Variants in PICALM observed in about 807,000 individuals in gnomAD.
The protein encoded by PICALM is phosphatidylinositol binding clathrin assembly protein, also known as phosphatidylinositol-binding clathrin assembly protein.
A neutral mutation model predicts 80.5 loss-of-function variants in PICALM; 40 were observed. The ratio of observed to expected loss-of-function variants is 0.50; its 90% CI spans 0.39 to 0.65. The LOEUF (loss-of-function observed/expected upper bound fraction) is 0.65. Ranked by LOEUF, PICALM falls within the 30% of genes least tolerant of loss-of-function variation. PICALM has a pLI of 0.00. For synonymous variants in PICALM, 288 were observed against 260.3 expected, an observed-to-expected ratio of 1.11 and a Z score of -1.02; for missense variants, 676 against 778.9, an observed-to-expected ratio of 0.87 and a Z score of 1.57.
Position 85,981,925 on chromosome 11 carries a change from G to C in PICALM, c.1595C>G (p.Pro532Arg). Reference protein sequence around the residue: ...NQNLPVAKLPPSKLVSDDLDS... With the variant: ...NQNLPVAKLPRSKLVSDDLDS... ...CAAGTCATCAGATACTAACTTGCTA[G>C]GTGGGAGTTTGGCAACAGGAAGGTT... Residue 532 changes from proline (P) to arginine (R), a missense_variant, in exon 15 of 20, where the codon CCT (proline) becomes CGT (arginine). This residue lies in a region of PICALM where 391 missense variants were observed against 383.6 expected (regional missense o/e 1.02). Transcript: ENST00000393346. 2 of 1,613,550 alleles carry C rather than the reference G, an allele frequency of 1.2e-6. No individual in the cohort carries two copies. The highest frequency in any genetic ancestry group is 1.7e-6 in the Non-Finnish European group (2 of 1,179,424).
intron 1 of PICALM, among the ~76,000 whole-genome samples, chr11:86,064,035 TTAAC>T (rs2096408569): frequency 6.6e-6 from 1 of 152,230 alleles, no homozygotes; most frequent in Admixed American, 6.5e-5. Context: ...TAAGATATTA[TTAAC>T]TGAGACATTA....
chr11:85,973,866 T>C (rs1268582702), intron 19 of PICALM, among the ~76,000 whole-genome samples: 1 of 149,746 alleles, frequency 6.7e-6, no homozygotes. Context: ...AAAGGAGGGG[T>C]GTTCTAACAA....
intron 13 of PICALM, among the ~76,000 whole-genome samples, chr11:85,987,795 C>A (rs2094623897): frequency 6.6e-6 from 1 of 152,180 alleles, no homozygotes. Context: ...TAGTAGTAGT[C>A]ATTTTGATAC....
chr11:86,031,272 G>A (rs2095747073), intron 2 of PICALM, among the ~76,000 whole-genome samples, 197 bp downstream of exon 2: 1 of 152,184 alleles, frequency 6.6e-6, no homozygotes, highest in Non-Finnish European at 1.5e-5. Context: ...CATTATTGAT[G>A]TCCTCTGTGC....
At chr11:85,988,541 G>A (rs2094652275) in intron 13 of PICALM, among the ~76,000 whole-genome samples, 1 of 152,002 alleles carries the variant, frequency 6.6e-6, no homozygotes, top group Non-Finnish European at 1.5e-5. Flanking sequence ...ACAAACTTAA[G>A]TGACACAAAA....
At chr11:85,976,092 C>A (rs755455811) in intron 18 of PICALM, among the ~76,000 whole-genome samples, 2 of 151,466 alleles carry the variant, frequency 1.3e-5, no homozygotes, top group Non-Finnish European at 3.0e-5. Flanking sequence ...CTACTAGCAC[C>A]ATTTCTTTTC....
At chr11:86,057,125 C>T (rs1161120796) in intron 1 of PICALM, among the ~76,000 whole-genome samples, 1 of 152,084 alleles carries the variant, frequency 6.6e-6, no homozygotes, top group African/African-American at 2.4e-5. Flanking sequence ...TACTAAATAA[C>T]ACTGAATTCT....
At chr11:85,987,817 T>C (rs778894159) in intron 13 of PICALM, among the ~76,000 whole-genome samples, 1 of 152,216 alleles carries the variant, frequency 6.6e-6, no homozygotes, top group African/African-American at 2.4e-5. Flanking sequence ...TTTATATACC[T>C]AGCAAAGTGC....
intron 1 of PICALM, among the ~76,000 whole-genome samples, chr11:86,041,877 G>T (rs1367857159): frequency 6.6e-6 from 1 of 152,102 alleles, no homozygotes; most frequent in Non-Finnish European, 1.5e-5. Context: ...TCATGAAAAT[G>T]CTCTATAGAA....
In PICALM at chr11:86,068,876, C is replaced by A. The variant is rs1188532968; in HGVS notation, c.-96G>T. ...TCCCCACCCCCCACCGCACCCCCTA[C>A]CCCCACCGGCTCCTTCCCCGCCTGC... is the stretch of plus-strand genomic sequence containing the variant. On this transcript the variant is annotated 5_prime_UTR_variant, in exon 1 of 20. Coordinates refer to ENST00000393346, the MANE Select transcript of PICALM (RefSeq NM_007166.4). 8 of 1,422,148 alleles carry A rather than the reference C, an allele frequency of 5.6e-6. No homozygotes were observed. The highest frequency in any genetic ancestry group is 1.4e-5 in the African/African-American group (1 of 69,322). The allele number at this position is 1,422,148 out of a possible 1,614,324, so 88.1% of individuals were successfully genotyped here. A position where few individuals can be genotyped will look rare whatever the true frequency, so the allele number is the denominator to read the frequency against.
Position 85,981,159 on chromosome 11 carries a change from T to A in PICALM, c.1749A>T (p.Ala583=). The change falls in exon 17 of 20, where the codon GCA becomes GCT. Residue 583 remains alanine (A), a synonymous_variant. Coordinates refer to ENST00000393346, the MANE Select transcript of PICALM (RefSeq NM_007166.4). ...TGGSNWQPKV[A]PTTAWNAATM... Reference sequence around the variant, plus strand: ...TTGCAGCATTCCAAGCGGTTGTTGGTGCAACCTTTGGTTGCCAGTTAGATC... The same window carrying A: ...TTGCAGCATTCCAAGCGGTTGTTGGAGCAACCTTTGGTTGCCAGTTAGATC... 6.2e-7 allele frequency: 1 copy of A among 1,603,768 alleles called. No individual in the cohort carries two copies. The highest frequency in any genetic ancestry group is 2.2e-5 in the East Asian group (1 of 44,828).
At chr11:86,067,468 G>C (rs535068081) in intron 1 of PICALM, among the ~76,000 whole-genome samples, 16 of 152,290 alleles carry the variant, frequency 1.1e-4, no homozygotes, top group Admixed American at 1.0e-3. Flanking sequence ...CAAAGAAAAA[G>C]GAGGGTATTA....
intron 1 of PICALM, among the ~76,000 whole-genome samples, chr11:86,059,024 T>C (rs975671012): frequency 6.6e-6 from 1 of 152,202 alleles, no homozygotes; most frequent in Non-Finnish European, 1.5e-5. Flanking sequence ...TAAACAAAAC[T>C]AAATAAGCCT....
intron 1 of PICALM, among the ~76,000 whole-genome samples, chr11:86,044,831 C>G (rs1318028583): frequency 6.6e-6 from 1 of 152,194 alleles, no homozygotes; most frequent in African/African-American, 2.4e-5. Flanking sequence ...CTGTGCACTC[C>G]TTATGAGAAT....
chr11:86,010,398 C>T (rs781437840), intron 7 of PICALM, among the ~76,000 whole-genome samples: 24 of 151,322 alleles, frequency 1.6e-4, no homozygotes, highest in Non-Finnish European at 2.8e-4. Flanking sequence ...GCGATCTCAG[C>T]TCACTGCAAC....
intron 1 of PICALM, among the ~76,000 whole-genome samples, chr11:86,037,527 G>A (rs886619622): frequency 6.6e-6 from 1 of 151,158 alleles, no homozygotes; most frequent in Non-Finnish European, 1.5e-5. Context: ...CAAAGTGCTG[G>A]GATTACAGGC....
In PICALM at chr11:85,996,012, G is replaced by A. The variant is rs759696827; in HGVS notation, c.1258+814C>T. 1.4e-4 allele frequency among the ~76,000 whole-genome samples: 22 copies of A among 151,918 alleles called. 1 individual carries two copies. The highest frequency in any genetic ancestry group is 2.4e-4 in the Non-Finnish European group (16 of 67,950). On this transcript the variant is annotated intron_variant, in intron 12 of 19. Coordinates refer to ENST00000393346, the MANE Select transcript of PICALM (RefSeq NM_007166.4). ...GTTTTAGGGTTTTACTATCTGCTCT[G>A]TGCCCCACCTTATTCAACAAACATT...
At chr11:86,032,624 T>A (rs1214824952) in intron 1 of PICALM, among the ~76,000 whole-genome samples, 1 of 152,060 alleles carries the variant, frequency 6.6e-6, no homozygotes, top group Non-Finnish European at 1.5e-5. Flanking sequence ...AGACTCTGCC[T>A]CAATAAAAAA....
At chr11:86,025,002 T>G (rs1170706426) in intron 3 of PICALM, among the ~76,000 whole-genome samples, 2 of 152,210 alleles carry the variant, frequency 1.3e-5, no homozygotes, top group Non-Finnish European at 2.9e-5. Flanking sequence ...AAAGCTAACA[T>G]TCTATAATGC....
Sources: allele counts gnomAD v4.1 joint callset (sites outside exome capture counted in the v4.1 genomes callset), GRCh38; gene constraint gnomAD v4.1.1; regional missense constraint gnomAD v4.1.1; transcripts MANE v1.5; gene names NCBI Gene and HGNC (gene_info 2026-07-23, HGNC 2026-07-21).